TALDO1: variants seen among roughly 807,000 people sequenced by gnomAD.
The protein encoded by TALDO1 is transaldolase 1.
TALDO1 carries 29 observed loss-of-function variants against 38.1 expected under a neutral mutation model. The observed-to-expected ratio is 0.76, with a 90% CI of 0.57 to 1.04. TALDO1 has a LOEUF of 1.04. Ranked by LOEUF, TALDO1 falls within the 50% of genes least tolerant of loss-of-function variation. The pLI is 0.00. For synonymous variants in TALDO1, 207 were observed against 176.8 expected, an observed-to-expected ratio of 1.17 and a Z score of -1.36; for missense variants, 499 against 438.1, an observed-to-expected ratio of 1.14 and a Z score of -1.24.
Position 763,856 on chromosome 11 carries a change from C to T in TALDO1, c.747C>T (p.Gly249=), listed in dbSNP as rs756626489. Residue 249 remains glycine, a synonymous_variant, in exon 6 of 8, where the codon GGC becomes GGT. Transcript: ENST00000319006. ...CGGGCGAGATCAAAGCACTGGCCGG[C>T]TGTGACTTCCTCACCATCTCACCCA... ...RNTGEIKALA[G]CDFLTISPKL... 6.2e-7 allele frequency: 1 copy of T among 1,613,850 alleles called. No individual in the cohort carries two copies. Among genetic ancestry groups the T allele is most frequent in the Non-Finnish European group, 8.5e-7 (1 of 1,180,038 alleles).
chr11:759,492 C>A (rs758917925), intron 3 of TALDO1, among the ~76,000 whole-genome samples: 1 of 152,014 alleles, frequency 6.6e-6, no homozygotes, highest in Non-Finnish European at 1.5e-5. Flanking sequence ...GAACTCCTGA[C>A]GTCATGATCC....
In TALDO1 at chr11:763,924, C is replaced by G; in HGVS notation, c.815C>G (p.Pro272Arg). 2 of 1,611,072 alleles carry G rather than the reference C, an allele frequency of 1.2e-6. No individual in the cohort carries two copies. The highest frequency in any genetic ancestry group is 1.7e-6 in the Non-Finnish European group (2 of 1,179,924). ...CTGCAGGACAACGCCAAGCTGGTGC[C>G]TGTGCTCTCAGCCAAGGCGGGTGAG... ...ELLQDNAKLV[P>R]VLSAKAAQAS... is the part of the protein sequence containing the mutation. Residue 272 changes from proline (P) to arginine (R), a missense_variant, in exon 6 of 8, where the codon CCT (proline) becomes CGT (arginine). Pro to Arg is a moderately radical substitution (Grantham distance 103). Coordinates refer to ENST00000319006, the MANE Select transcript of TALDO1 (RefSeq NM_006755.2).
rs907025000 is a variant in TALDO1, at chr11:755,818, CAT to C, written c.98-60_98-59del. 8.5e-5 allele frequency: 137 copies of C among 1,613,144 alleles called. 2 individuals are homozygous for C. Among genetic ancestry groups the C allele is most frequent in the South Asian group, 5.9e-4 (54 of 91,014 alleles). Reference sequence around the variant, plus strand: ...CCTGGGGAATTACAGGGTTCCTTCACATGTTTCCAGTTGGAAGCAAGTACTCC... The same window carrying C: ...CCTGGGGAATTACAGGGTTCCTTCACGTTTCCAGTTGGAAGCAAGTACTCC... On this transcript the variant is annotated intron_variant, in intron 1 of 7. Coordinates refer to ENST00000319006, the MANE Select transcript of TALDO1 (RefSeq NM_006755.2).
chr11:754,414 T>A (rs1250329788), intron 1 of TALDO1, among the ~76,000 whole-genome samples: 1 of 152,210 alleles, frequency 6.6e-6, no homozygotes, highest in Non-Finnish European at 1.5e-5. Flanking sequence ...AAAGGATTCT[T>A]AGGTCAGGTT....
intron 1 of TALDO1, among the ~76,000 whole-genome samples, chr11:751,641 A>C (rs961417479): frequency 6.6e-6 from 1 of 152,080 alleles, no homozygotes; most frequent in African/African-American, 2.4e-5. Flanking sequence ...TAAAAATACA[A>C]AAAATTAGCC....
chr11:754,812 C>G (rs1473273417), intron 1 of TALDO1, among the ~76,000 whole-genome samples: 1 of 152,016 alleles, frequency 6.6e-6, no homozygotes, highest in Non-Finnish European at 1.5e-5. Context: ...GCTCTCTGGC[C>G]CAGGTGGGAG....
At chr11:747,642 T>TC in intron 1 of TALDO1, 64 bp downstream of exon 1, 1 of 1,370,868 alleles carries the variant, frequency 7.3e-7, no homozygotes. Context: ...CGCCCCGATT[T>TC]CCCCGGGTCT....
intron 1 of TALDO1, among the ~76,000 whole-genome samples, chr11:750,596 A>G (rs542834348): frequency 6.6e-6 from 1 of 152,216 alleles, no homozygotes; most frequent in East Asian, 1.9e-4. Flanking sequence ...AGGCCGAGGC[A>G]GGCCGATCAT....
intron 1 of TALDO1, 89 bp downstream of exon 1, chr11:747,667 C>A: frequency 8.3e-7 from 1 of 1,207,056 alleles, no homozygotes; most frequent in Non-Finnish European, 1.1e-6. Flanking sequence ...TTCCGGGACG[C>A]GGACCGGGTG....
rs369845141 is a variant in TALDO1 at position 764,857 on chromosome 11, G to A, written c.*12G>A. 1.0e-4 allele frequency: 167 copies of A among 1,613,908 alleles called. 2 individuals are homozygous for A. The highest frequency in any genetic ancestry group is 3.5e-5 in the Non-Finnish European group (41 of 1,180,050). ...AGAATGGAAAGTAGCGCATCCCTGA[G>A]GCTGGACTCCAGATCTGCACCGCCG... On this transcript the variant is annotated 3_prime_UTR_variant, in exon 8 of 8. Transcript: ENST00000319006.
At chr11:759,196 TC>T in intron 3 of TALDO1, 139 bp downstream of exon 3, 1 of 716,108 alleles carries the variant, frequency 1.4e-6, no homozygotes, top group Non-Finnish European at 2.5e-6. Context: ...TTTTGAGCTC[TC>T]CCACAGTTGG....
Position 763,458 on chromosome 11 carries a change from C to G in TALDO1, c.576C>G (p.Arg192=). The change falls in exon 5 of 8, where the codon CGC becomes CGG. Residue 192 remains arginine (R), a synonymous_variant. Transcript: ENST00000319006. ...GVTLISPFVG[R]ILDWHVANTD... ...CCCTCATCTCCCCATTTGTTGGGCGCATCCTTGATTGGCATGTGGCAAACA... is the reference window on the plus strand; with the variant it reads ...CCCTCATCTCCCCATTTGTTGGGCGGATCCTTGATTGGCATGTGGCAAACA... 2.5e-6 allele frequency: 4 copies of G among 1,613,698 alleles called. No homozygotes were observed. The South Asian group carries it at 4.4e-5, about 18-fold the overall frequency.
At chr11:753,935 T>A (rs1186418836) in intron 1 of TALDO1, among the ~76,000 whole-genome samples, 1 of 151,862 alleles carries the variant, frequency 6.6e-6, no homozygotes, top group Non-Finnish European at 1.5e-5. Flanking sequence ...ACTCAGTGGC[T>A]ACAAGTTTGG....
At chr11:763,661 G>A (rs1862995471) in intron 5 of TALDO1, 86 bp from the exon 6 acceptor site, 3 of 1,570,112 alleles carry the variant, frequency 1.9e-6, no homozygotes, top group Middle Eastern at 1.7e-4. Flanking sequence ...GGCGGCTCAA[G>A]GTAGTGCAGC....
In TALDO1 at chr11:764,739, C is replaced by G; in HGVS notation, c.982-74C>G. On this transcript the variant is annotated intron_variant, in intron 7 of 7. Coordinates refer to ENST00000319006, the MANE Select transcript of TALDO1 (RefSeq NM_006755.2). ...CCCCACAAGGGCCTCCCTCCTTCCA[C>G]ATGGTGCCTTGTGAGGCTTCAAGGT... 1.9e-6 allele frequency: 3 copies of G among 1,609,308 alleles called. No homozygotes were observed. In the Admixed American group the frequency reaches 5.0e-5, roughly 27 times the overall value.
intron 5 of TALDO1, 79 bp downstream of exon 5, chr11:763,598 TG>T: frequency 6.3e-7 from 1 of 1,594,944 alleles, no homozygotes; most frequent in Non-Finnish European, 8.6e-7. Flanking sequence ...GAGACGGAGC[TG>T]CCGCATCAAC....
At chr11:748,288 G>A (rs1369402514) in intron 1 of TALDO1, among the ~76,000 whole-genome samples, 2 of 152,224 alleles carry the variant, frequency 1.3e-5, no homozygotes, top group Admixed American at 1.3e-4. Flanking sequence ...CGGCCTGCTG[G>A]ACAGCCACCG....
intron 3 of TALDO1, 34 bp from the exon 4 acceptor site, chr11:760,088 G>A (rs1408764055): frequency 6.2e-7 from 1 of 1,612,848 alleles, no homozygotes; most frequent in Admixed American, 1.7e-5. Flanking sequence ...CAACCTGCGT[G>A]ATCTGAGGGG....
In TALDO1 at chr11:755,775, T is replaced by C. The variant is rs565178963; in HGVS notation, c.98-104T>C. Reference sequence around the variant, plus strand: ...GGCTGGACCCCGCTTTCGGAAATGCTCTGGACTCCCCTAACGTCCTGGGGA... The same window carrying C: ...GGCTGGACCCCGCTTTCGGAAATGCCCTGGACTCCCCTAACGTCCTGGGGA... On this transcript the variant is annotated intron_variant, in intron 1 of 7. Coordinates refer to ENST00000319006, the MANE Select transcript of TALDO1 (RefSeq NM_006755.2). 3.3e-3 allele frequency: 5,205 copies of C among 1,571,644 alleles called. 10 individuals are homozygous for C. The highest frequency in any genetic ancestry group is 4.2e-3 in the Non-Finnish European group (4,851 of 1,149,566).
Sources: gnomAD v4.1 joint callset for allele counts (sites outside exome capture counted in the v4.1 genomes callset) on GRCh38, gnomAD v4.1.1 for gene constraint, MANE v1.5 for transcripts, NCBI Gene and HGNC (gene_info 2026-07-23, HGNC 2026-07-21) for gene names.